Variants in CFAP77 observed in about 807,000 individuals in gnomAD.
CFAP77 encodes the protein cilia- and flagella-associated protein 77.
In CFAP77, 25 loss-of-function variants were observed where a neutral mutation model predicts 31.1. That is an observed-to-expected ratio of 0.80 (90% CI 0.59 to 1.12). The LOEUF (loss-of-function observed/expected upper bound fraction) is 1.12. Among genes scored for constraint, CFAP77 ranks in the 50% most tolerant of loss-of-function variants. CFAP77 has a pLI of 0.00. For missense variants in CFAP77, 377 were observed against 397.3 expected, an observed-to-expected ratio of 0.95 and a Z score of 0.44; for synonymous variants, 151 against 159.9, an observed-to-expected ratio of 0.94 and a Z score of 0.42.
intron 3 of CFAP77, among the ~76,000 whole-genome samples, chr9:132,519,599 G>A (rs1852223845): frequency 1.4e-5 from 2 of 146,882 alleles, no homozygotes; most frequent in Non-Finnish European, 3.0e-5. Context: ...TGGATGGATG[G>A]ATGGATGGAT....
intron 1 of CFAP77, among the ~76,000 whole-genome samples, chr9:132,415,641 G>T (rs1405249465): frequency 6.6e-6 from 1 of 152,342 alleles, no homozygotes; most frequent in East Asian, 1.9e-4. Context: ...TCTGAGGCTG[G>T]GGTGAACTAA....
At chr9:132,531,632 G>T (rs374301111) in intron 3 of CFAP77, among the ~76,000 whole-genome samples, 10 of 147,206 alleles carry the variant, frequency 6.8e-5, no homozygotes, top group South Asian at 4.6e-4. Flanking sequence ...ACATGGGGGG[G>T]GGGGCATGGA....
At chr9:132,548,679 C>CG (rs201427017) in intron 5 of CFAP77, among the ~76,000 whole-genome samples, 8 of 128,768 alleles carry the variant, frequency 6.2e-5, no homozygotes, top group Non-Finnish European at 8.6e-5. Flanking sequence ...TGTTGGCTGG[C>CG]GGGGGGGTCT....
intron 5 of CFAP77, among the ~76,000 whole-genome samples, chr9:132,551,523 T>A (rs1360219022): frequency 5.9e-5 from 9 of 152,230 alleles, no homozygotes. Flanking sequence ...CTCGAACTCC[T>A]GGCCTCCAGT....
chr9:132,459,418 A>AGG (rs1286625817), intron 1 of CFAP77, among the ~76,000 whole-genome samples: 46 of 129,194 alleles, frequency 3.6e-4, no homozygotes, highest in Non-Finnish European at 5.3e-4. Context: ...CTGGATGAAT[A>AGG]GGGTGTGTGT....
chr9:132,415,662 C>T (rs965664937), intron 1 of CFAP77, among the ~76,000 whole-genome samples: 5 of 152,210 alleles, frequency 3.3e-5, no homozygotes, highest in Admixed American at 2.6e-4. Flanking sequence ...TCAGAGGTCT[C>T]TTCTCACACC....
chr9:132,441,523 G>T (rs533266462), intron 1 of CFAP77, among the ~76,000 whole-genome samples: 7 of 152,256 alleles, frequency 4.6e-5, no homozygotes, highest in Admixed American at 4.6e-4. Context: ...CACCCTCCCC[G>T]CTCCCCGCCA....
At position 132,428,710 on chromosome 9, in the gene CFAP77, G is replaced by A. The variant is rs189932569; in HGVS notation, c.195+18244G>A. Among the ~76,000 whole-genome samples, 108 of 152,224 alleles carry A rather than the reference G, an allele frequency of 7.1e-4. 2 individuals are homozygous for A. The highest frequency in any genetic ancestry group is 4.4e-5 in the Non-Finnish European group (3 of 68,004). ...GTTCCTTCCAAACAGCTGGGGAGGC[G>A]CAGAGGTAGGGGCCATTCTCTTGCC... On this transcript the variant is annotated intron_variant, in intron 1 of 5. Transcript: ENST00000393216.
chr9:132,452,302 G>A (rs1002835462), intron 1 of CFAP77, among the ~76,000 whole-genome samples: 20 of 152,190 alleles, frequency 1.3e-4, no homozygotes, highest in African/African-American at 4.3e-4. Flanking sequence ...TCTCCTAAGC[G>A]GAAAGTCAAG....
chr9:132,496,226 A>T (rs1354975577), intron 1 of CFAP77, among the ~76,000 whole-genome samples: 1 of 152,254 alleles, frequency 6.6e-6, no homozygotes. Flanking sequence ...CTTAAAAAAT[A>T]AAGATTAGAT....
chr9:132,518,207 CT>C (rs1179812387), intron 3 of CFAP77, among the ~76,000 whole-genome samples: 1 of 152,116 alleles, frequency 6.6e-6, no homozygotes, highest in African/African-American at 2.4e-5. Flanking sequence ...CCTGAGACCC[CT>C]GGATGGGGCC....
chr9:132,496,074 C>G (rs994829822), intron 1 of CFAP77, among the ~76,000 whole-genome samples: 1 of 152,196 alleles, frequency 6.6e-6, no homozygotes, highest in Non-Finnish European at 1.5e-5. Context: ...TTATTAGCAT[C>G]TATTCTACAC....
Position 132,565,029 on chromosome 9 carries a change from C to G in CFAP77, c.733-7359C>G, listed in dbSNP as rs534382384. On this transcript the variant is annotated intron_variant, in intron 5 of 5. Transcript: ENST00000393216. The surrounding 1 kb of genome is among the most constrained non-coding windows in gnomAD (Gnocchi z 4.1). ...GATTCGATATCACTAAGGTCTCTTC[C>G]AAACCTAACTCTCTGGGAATATTTT... 2.6e-5 allele frequency among the ~76,000 whole-genome samples: 4 copies of G among 152,026 alleles called. No individual in the cohort carries two copies. In the East Asian group the frequency reaches 7.7e-4, roughly 29 times the overall value.
chr9:132,544,692 C>T (rs963641540), intron 5 of CFAP77, among the ~76,000 whole-genome samples: 1 of 151,932 alleles, frequency 6.6e-6, no homozygotes, highest in African/African-American at 2.4e-5. Context: ...GATGAGGTTT[C>T]GCCATGTTGG....
chr9:132,540,692 A>T (rs1852625298), intron 4 of CFAP77, among the ~76,000 whole-genome samples: 1 of 152,202 alleles, frequency 6.6e-6, no homozygotes, highest in Non-Finnish European at 1.5e-5. Context: ...TGGAGAAAGG[A>T]TTGGATGAAT....
At chr9:132,463,350 A>G (rs769697572) in intron 1 of CFAP77, among the ~76,000 whole-genome samples, 5 of 152,172 alleles carry the variant, frequency 3.3e-5, no homozygotes, top group Non-Finnish European at 5.9e-5. Flanking sequence ...AAACGAGAGA[A>G]ATGGCCATTG....
chr9:132,439,672 C>T (rs1406517813), intron 1 of CFAP77, among the ~76,000 whole-genome samples: 1 of 151,932 alleles, frequency 6.6e-6, no homozygotes, highest in African/African-American at 2.4e-5. Flanking sequence ...TGGTGAAACC[C>T]TGTCTTTACT....
chr9:132,469,403 G>A (rs552168900), intron 1 of CFAP77, among the ~76,000 whole-genome samples: 65 of 152,158 alleles, frequency 4.3e-4, no homozygotes, highest in Middle Eastern at 3.4e-3. Context: ...TCTCCTGTGC[G>A]TGTGGATTAT....
intron 1 of CFAP77, among the ~76,000 whole-genome samples, chr9:132,471,445 C>T (rs935506476): frequency 4.6e-5 from 7 of 150,600 alleles, no homozygotes; most frequent in African/African-American, 1.7e-4. Flanking sequence ...CTTTAAGGAC[C>T]CCCCCCCACC....
Sources: gnomAD v4.1 joint callset for allele counts (sites outside exome capture counted in the v4.1 genomes callset) on GRCh38, gnomAD v4.1.1 for gene constraint, Gnocchi (gnomAD v3.1) non-coding constraint, MANE v1.5 for transcripts, NCBI Gene and HGNC (gene_info 2026-07-23, HGNC 2026-07-21) for gene names.